The following RANBP2 variants were observed in gnomAD, a reference collection of about 807,000 sequenced individuals.
RANBP2 encodes E3 SUMO-protein ligase RanBP2.
In RANBP2, 57 loss-of-function variants were observed where a neutral mutation model predicts 303.6. The observed-to-expected ratio is 0.19, with a 90% confidence interval of 0.15 to 0.23. The LOEUF is 0.23. RANBP2 is among the 10% of genes least tolerant of loss of function. RANBP2 has a pLI of 1.00. For missense variants in RANBP2, 3,138 were observed against 3,780.8 expected, an observed-to-expected ratio of 0.83 and a Z score of 4.46; for synonymous variants, 1,167 against 1,301.5, an observed-to-expected ratio of 0.90 and a Z score of 2.23.
At chr2:108,736,419 G>T (rs1416411542) in intron 6 of RANBP2, among the ~76,000 whole-genome samples, 170 bp downstream of exon 6, 5 of 152,078 alleles carry the variant, frequency 3.3e-5, no homozygotes, top group Non-Finnish European at 7.4e-5. Flanking sequence ...TCTTTTACGG[G>T]GAAGTTCTAA....
At chr2:109,156,740 G>T in the RANBP2 span, among the ~76,000 whole-genome samples, 220 of 152,236 alleles carry the variant, frequency 1.4e-3, no homozygotes, top group Middle Eastern at 0.017. Context: ...ACCGTGCCCG[G>T]CCTGAATTTT....
the RANBP2 span, among the ~76,000 whole-genome samples, chr2:109,683,877 T>C: frequency 6.6e-6 from 1 of 152,220 alleles, no homozygotes; most frequent in Non-Finnish European, 1.5e-5. Flanking sequence ...GACTATTTCA[T>C]ATTTTTCTTT....
chr2:109,275,619 G>T, the RANBP2 span, among the ~76,000 whole-genome samples: 1 of 152,334 alleles, frequency 6.6e-6, no homozygotes, highest in Non-Finnish European at 1.5e-5. Flanking sequence ...TTCCTGCCCT[G>T]CCTGGGGAAC....
chr2:109,355,452 G>A, the RANBP2 span, among the ~76,000 whole-genome samples: 3 of 152,128 alleles, frequency 2.0e-5, no homozygotes, highest in Non-Finnish European at 4.4e-5. Flanking sequence ...AGTTTTATTG[G>A]TACACAGCCA....
At chr2:108,975,380 C>T in the RANBP2 span, among the ~76,000 whole-genome samples, 1 of 152,310 alleles carries the variant, frequency 6.6e-6, no homozygotes, top group South Asian at 2.1e-4. Context: ...TGCAGCTCAG[C>T]CCTGGGCACA....
At chr2:109,135,013 C>T in the RANBP2 span, among the ~76,000 whole-genome samples, 1 of 152,214 alleles carries the variant, frequency 6.6e-6, no homozygotes, top group Non-Finnish European at 1.5e-5. Flanking sequence ...CTGATCCATA[C>T]TTGGTCTGCC....
intron 8 of RANBP2, 141 bp downstream of exon 8, chr2:108,746,939 G>C: frequency 7.8e-7 from 1 of 1,286,342 alleles, no homozygotes; most frequent in Non-Finnish European, 1.1e-6. Context: ...AGAGCAATAG[G>C]TATGGAAGAG....
the RANBP2 span, among the ~76,000 whole-genome samples, chr2:108,823,995 G>T: frequency 2.0e-5 from 3 of 149,804 alleles, no homozygotes; most frequent in Non-Finnish European, 3.0e-5. Flanking sequence ...AAAGGGAGGG[G>T]TGGGGGGTAC....
At chr2:108,938,009 T>C in the RANBP2 span, among the ~76,000 whole-genome samples, 1 of 152,194 alleles carries the variant, frequency 6.6e-6, no homozygotes, top group Non-Finnish European at 1.5e-5. Flanking sequence ...GAATAATAAA[T>C]ATAATGCATG....
the RANBP2 span, among the ~76,000 whole-genome samples, chr2:109,381,499 C>T: frequency 2.0e-5 from 3 of 152,132 alleles, no homozygotes; most frequent in East Asian, 3.9e-4. Flanking sequence ...GGGCCATCCA[C>T]GTCCACCTGC....
the RANBP2 span, among the ~76,000 whole-genome samples, chr2:109,597,017 G>A: frequency 2.0e-4 from 31 of 152,114 alleles, no homozygotes; most frequent in African/African-American, 7.0e-4. Flanking sequence ...GATCTCGACT[G>A]ACAGCCGAGA....
chr2:109,491,805 A>G, the RANBP2 span, among the ~76,000 whole-genome samples: 6 of 152,214 alleles, frequency 3.9e-5, no homozygotes, highest in Non-Finnish European at 7.3e-5. Context: ...CAACCTCCCA[A>G]AAAGACAGTC....
the RANBP2 span, among the ~76,000 whole-genome samples, chr2:109,291,705 C>T: frequency 1.3e-5 from 2 of 152,190 alleles, no homozygotes; most frequent in African/African-American, 2.4e-5. Context: ...CTCTTTGCTC[C>T]TCTTTGTCTC....
chr2:108,888,772 C>G, the RANBP2 span, among the ~76,000 whole-genome samples: 4 of 151,338 alleles, frequency 2.6e-5, no homozygotes, highest in East Asian at 7.7e-4. Flanking sequence ...GTTGTTGAGT[C>G]TTTGTATTTT....
chr2:109,742,684 A>C, the RANBP2 span, among the ~76,000 whole-genome samples: 1 of 145,706 alleles, frequency 6.9e-6, no homozygotes, highest in East Asian at 2.0e-4. Flanking sequence ...TAAAGTTTAT[A>C]TAAAGAGGCA....
chr2:109,459,110 G>A, the RANBP2 span, among the ~76,000 whole-genome samples: 8 of 152,110 alleles, frequency 5.3e-5, no homozygotes, highest in East Asian at 3.9e-4. Flanking sequence ...GTGGTGCTTC[G>A]TCTTCTTCTT....
chr2:108,977,270 C>T, the RANBP2 span, among the ~76,000 whole-genome samples: 1 of 152,052 alleles, frequency 6.6e-6, no homozygotes, highest in Non-Finnish European at 1.5e-5. Context: ...CTGAGAAGCT[C>T]GCCTTTTCTT....
chr2:109,044,794 C>A, the RANBP2 span, among the ~76,000 whole-genome samples: 2 of 152,040 alleles, frequency 1.3e-5, no homozygotes, highest in African/African-American at 4.8e-5. Context: ...CGTGTTGGGG[C>A]ATTTTTAGTG....
the RANBP2 span, among the ~76,000 whole-genome samples, chr2:108,824,922 T>C: frequency 6.6e-6 from 1 of 152,218 alleles, no homozygotes; most frequent in Non-Finnish European, 1.5e-5. Flanking sequence ...CGAAATGTTA[T>C]GCAGTGCGTG....
Sources: gnomAD v4.1 joint callset for allele counts (sites outside exome capture counted in the v4.1 genomes callset) on GRCh38, gnomAD v4.1.1 for gene constraint, MANE v1.5 for transcripts, NCBI Gene and HGNC (gene_info 2026-07-23, HGNC 2026-07-21) for gene names.